Variants in PIP5K1C observed in about 807,000 individuals in gnomAD.
PIP5K1C encodes phosphatidylinositol-4-phosphate 5-kinase type 1 gamma, also known as phosphatidylinositol 4-phosphate 5-kinase type-1 gamma.
In PIP5K1C, 45 loss-of-function variants were observed where a neutral mutation model predicts 80.1. The ratio of observed to expected loss-of-function variants is 0.56; its 90% CI spans 0.44 to 0.72. The LOEUF is 0.72. Ranked by LOEUF, PIP5K1C falls within the 30% of genes least tolerant of loss-of-function variation. The pLI, the probability that PIP5K1C is intolerant of heterozygous loss-of-function variation, is 0.00. For missense variants in PIP5K1C, 753 were observed against 954.6 expected (o/e 0.79, Z 2.78); for synonymous variants, 498 against 420.1 (o/e 1.19, Z -2.27).
chr19:3,634,038 C>T (rs1381635942), intron 16 of PIP5K1C, among the ~76,000 whole-genome samples: 1 of 152,116 alleles, frequency 6.6e-6, no homozygotes, highest in African/African-American at 2.4e-5. Flanking sequence ...GGCCAGTCCC[C>T]TCTGCCAGCA....
intron 1 of PIP5K1C, among the ~76,000 whole-genome samples, chr19:3,677,212 G>T (rs1163923727): frequency 1.3e-5 from 2 of 152,314 alleles, no homozygotes; most frequent in East Asian, 3.9e-4. Context: ...TGTGAGAGCC[G>T]CCACTGCAGC....
Position 3,637,725 on chromosome 19 carries a change from G to C in PIP5K1C, c.1920+1159C>G. ...AGGCGGAGGGAGGTGGCGGGGAGCA[G>C]GTGGGGACAGCTGACTGCCAAGCAG... On this transcript the variant is annotated intron_variant, in intron 16 of 17. Coordinates refer to ENST00000335312, the MANE Select transcript of PIP5K1C (RefSeq NM_012398.3). This position sits in a 1 kb window ranked among gnomAD's most constrained non-coding sequence, Gnocchi z 7.0. The C allele has an allele frequency of 6.6e-6, 10 of 1,519,824 alleles. No individual in the cohort carries two copies. Among genetic ancestry groups the C allele is most frequent in the Non-Finnish European group, 8.8e-6 (10 of 1,138,952 alleles). The allele number at this position is 1,519,824 out of a possible 1,614,324, so 94.1% of individuals were successfully genotyped here. A position where few individuals can be genotyped will look rare whatever the true frequency, so the allele number is the denominator to read the frequency against.
At chr19:3,678,218 G>A (rs2035451115) in intron 1 of PIP5K1C, among the ~76,000 whole-genome samples, 1 of 134,452 alleles carries the variant, frequency 7.4e-6, no homozygotes, top group Non-Finnish European at 1.6e-5. Flanking sequence ...GAGAGATGGA[G>A]GGACGGAGGG....
chr19:3,685,005 A>G (rs1016432160), intron 1 of PIP5K1C, among the ~76,000 whole-genome samples: 2 of 152,208 alleles, frequency 1.3e-5, no homozygotes, highest in Admixed American at 6.5e-5. Context: ...TCTGAAATAC[A>G]TATTTTGTCA....
rs2036097868 is a variant in PIP5K1C, at chr19:3,696,255, T to C, written c.94+4042A>G. 6.6e-6 allele frequency among the ~76,000 whole-genome samples: 1 copy of C among 152,214 alleles called. No individual in the cohort carries two copies. The highest frequency in any genetic ancestry group is 1.5e-5 in the Non-Finnish European group (1 of 68,042). Reference sequence around the variant, plus strand: ...CCCATTCTACCTTACCCTTCCTCCCTGGCACTGCTGGCCTCATGCACCTGA... The same window carrying C: ...CCCATTCTACCTTACCCTTCCTCCCCGGCACTGCTGGCCTCATGCACCTGA... On this transcript the variant is annotated intron_variant, in intron 1 of 17. Coordinates refer to ENST00000335312, the MANE Select transcript of PIP5K1C (RefSeq NM_012398.3). This position sits in a 1 kb window ranked among gnomAD's most constrained non-coding sequence, Gnocchi z 4.1.
intron 2 of PIP5K1C, among the ~76,000 whole-genome samples, chr19:3,666,899 T>C (rs1346497067): frequency 6.6e-6 from 1 of 152,276 alleles, no homozygotes; most frequent in African/African-American, 2.4e-5. Flanking sequence ...TGGGTGCAGC[T>C]GGTAGCCTCG....
Position 3,637,180 on chromosome 19 carries a change from G to A in PIP5K1C, c.1920+1704C>T, listed in dbSNP as rs1158001811. On this transcript the variant is annotated intron_variant, in intron 16 of 17. Transcript: ENST00000335312. This position sits in a 1 kb window ranked among gnomAD's most constrained non-coding sequence, Gnocchi z 7.0. ...AGCCAGGTCTGCACGAGTGAGAAGC[G>A]TCCACCCAAGACACCCTGACACGAG... is the stretch of plus-strand genomic sequence containing the variant. 1.4e-5 allele frequency: 20 copies of A among 1,425,314 alleles called. No homozygotes were observed. Among genetic ancestry groups the A allele is most frequent in the African/African-American group, 2.9e-5 (2 of 69,410 alleles). 88.3% of individuals were successfully genotyped at this position (1,425,314 alleles called of 1,614,324 possible). A position where few individuals can be genotyped will look rare whatever the true frequency, so the allele number is the denominator to read the frequency against.
In PIP5K1C at chr19:3,639,020, G is replaced by T; in HGVS notation, c.1788-4C>A. 1 of 1,610,098 alleles carries T rather than the reference G, an allele frequency of 6.2e-7. No homozygotes were observed. The stretch of plus-strand genomic sequence containing the variant: ...ACCGGCCGGGGAAGCCTCCACCCTG[G>T]GGACAGGAGTAGACAGAGGGTCTTG... On this transcript the variant is annotated splice_region_variant and splice_polypyrimidine_tract_variant and intron_variant, in intron 15 of 17. Transcript: ENST00000335312.
At chr19:3,691,865 A>G (rs1375251623) in intron 1 of PIP5K1C, among the ~76,000 whole-genome samples, 1 of 152,180 alleles carries the variant, frequency 6.6e-6, no homozygotes, top group African/African-American at 2.4e-5. Context: ...AGCCTCTGGG[A>G]TGGCCGGGAG....
At chr19:3,663,097 C>T (rs534677244) in intron 3 of PIP5K1C, among the ~76,000 whole-genome samples, 1 of 152,160 alleles carries the variant, frequency 6.6e-6, no homozygotes, top group Non-Finnish European at 1.5e-5. Context: ...AACTCCTGAC[C>T]TCTGGTGATC....
intron 5 of PIP5K1C, among the ~76,000 whole-genome samples, chr19:3,659,117 G>A (rs1270756938): frequency 6.6e-6 from 1 of 152,182 alleles, no homozygotes. Context: ...TCCAATCAGA[G>A]AAGCACCGGC....
Position 3,692,317 on chromosome 19 carries a change from C to A in PIP5K1C, c.94+7980G>T, listed in dbSNP as rs933079664. ...CGACGGCCCCACCCAGTCCCACTGCCGGCTCCCACCACGGCCCCCAACGCT... is the reference window on the plus strand; with the variant it reads ...CGACGGCCCCACCCAGTCCCACTGCAGGCTCCCACCACGGCCCCCAACGCT... On this transcript the variant is annotated intron_variant, in intron 1 of 17. Transcript: ENST00000335312. The surrounding 1 kb of genome is among the most constrained non-coding windows in gnomAD (Gnocchi z 5.2). 6.6e-6 allele frequency among the ~76,000 whole-genome samples: 1 copy of A among 152,164 alleles called. No homozygotes were observed. Among genetic ancestry groups the A allele is most frequent in the Admixed American group, 6.5e-5 (1 of 15,288 alleles).
At chr19:3,635,435 G>C (rs1457864319) in intron 16 of PIP5K1C, among the ~76,000 whole-genome samples, 2 of 152,216 alleles carry the variant, frequency 1.3e-5, no homozygotes, top group Non-Finnish European at 2.9e-5. Context: ...TGTAATCCCA[G>C]AACTTTGGGA....
At chr19:3,685,984 C>T (rs2035747889) in intron 1 of PIP5K1C, among the ~76,000 whole-genome samples, 1 of 151,786 alleles carries the variant, frequency 6.6e-6, no homozygotes, top group African/African-American at 2.4e-5. Context: ...GCCTCAGCCT[C>T]CTGAGTAGCT....
rs888480682 is a variant in PIP5K1C at position 3,688,496 on chromosome 19, G to A, written c.94+11801C>T. 8.5e-5 allele frequency among the ~76,000 whole-genome samples: 13 copies of A among 152,136 alleles called. No individual in the cohort carries two copies. Among genetic ancestry groups the A allele is most frequent in the Admixed American group, 5.2e-4 (8 of 15,278 alleles). On this transcript the variant is annotated intron_variant, in intron 1 of 17. Transcript: ENST00000335312. This position sits in a 1 kb window ranked among gnomAD's most constrained non-coding sequence, Gnocchi z 5.3. Reference sequence around the variant, plus strand: ...GGCACACACGTCCCCAGGCAGCTCCGGTGAGGCCACCCTCGCCCCCTGGTT... The same window carrying A: ...GGCACACACGTCCCCAGGCAGCTCCAGTGAGGCCACCCTCGCCCCCTGGTT...
chr19:3,694,594 C>T (rs2145621142), intron 1 of PIP5K1C, among the ~76,000 whole-genome samples: 1 of 152,374 alleles, frequency 6.6e-6, no homozygotes, highest in Non-Finnish European at 1.5e-5. Flanking sequence ...ATCGGGCTCG[C>T]CGCCCCACTC....
chr19:3,646,637 G>A (rs2034226226), intron 10 of PIP5K1C, among the ~76,000 whole-genome samples: 1 of 152,182 alleles, frequency 6.6e-6, no homozygotes, highest in African/African-American at 2.4e-5. Flanking sequence ...TATCTGCCCT[G>A]GGCAGCAGGT....
chr19:3,671,145 G>A (rs576847387), intron 1 of PIP5K1C, among the ~76,000 whole-genome samples: 4 of 152,330 alleles, frequency 2.6e-5, no homozygotes, highest in African/African-American at 9.6e-5. Flanking sequence ...CCCCCTGCTC[G>A]GCCTGTCTGG....
chr19:3,633,844 T>TTCC (rs911336780), intron 16 of PIP5K1C, among the ~76,000 whole-genome samples: 18 of 151,592 alleles, frequency 1.2e-4, no homozygotes, highest in East Asian at 7.8e-4. Context: ...GCACCGAGTG[T>TTCC]TCCTCCTCCT....
Sources: gnomAD v4.1 joint callset for allele counts (sites outside exome capture counted in the v4.1 genomes callset) on GRCh38, gnomAD v4.1.1 for gene constraint, Gnocchi (gnomAD v3.1) non-coding constraint, MANE v1.5 for transcripts, NCBI Gene and HGNC (gene_info 2026-07-23, HGNC 2026-07-21) for gene names.